FXR2: variants seen among roughly 807,000 people sequenced by gnomAD.
FXR2 encodes RNA-binding protein FXR2.
Under a neutral mutation model 87.3 loss-of-function variants are expected in FXR2, and 9 were observed. That is an observed-to-expected ratio of 0.10 (90% confidence interval 0.06 to 0.18). FXR2 has a LOEUF of 0.18. FXR2 is among the 10% of genes least tolerant of loss of function. The pLI, the probability that FXR2 is intolerant of heterozygous loss-of-function variation, is 1.00. For synonymous variants in FXR2, 331 were observed against 328.3 expected (o/e 1.01, Z -0.09); for missense variants, 661 against 893.6 (o/e 0.74, Z 3.32).
Position 7,592,981 on chromosome 17 carries a change from T to C in FXR2, c.1528+3A>G, listed in dbSNP as rs776742011. Reference sequence around the variant, plus strand: ...CATATTCATGAACCCAGCTGTCTGGTACCTGAGCTAATAGATGAAGAATTG... The same window carrying C: ...CATATTCATGAACCCAGCTGTCTGGCACCTGAGCTAATAGATGAAGAATTG... On this transcript the variant is annotated splice_donor_region_variant and intron_variant, in intron 13 of 16. Transcript: ENST00000250113. The surrounding 1 kb of genome is among the most constrained non-coding windows in gnomAD (Gnocchi z 4.8). The C allele has an allele frequency of 2.6e-6, 4 of 1,567,824 alleles. No homozygotes were observed.
chr17:7,603,373 C>T (rs946543048), intron 5 of FXR2, among the ~76,000 whole-genome samples: 1 of 150,976 alleles, frequency 6.6e-6, no homozygotes, highest in South Asian at 2.1e-4. Context: ...ACTAAAAATA[C>T]AAAATTAGCC....
chr17:7,606,372 A>G (rs1408363426), intron 1 of FXR2, among the ~76,000 whole-genome samples: 1 of 152,198 alleles, frequency 6.6e-6, no homozygotes. Flanking sequence ...TACCACCTGC[A>G]TCAGAACAGC....
At chr17:7,613,578 G>A (rs985946560) in intron 1 of FXR2, among the ~76,000 whole-genome samples, 8 of 152,332 alleles carry the variant, frequency 5.3e-5, no homozygotes, top group Admixed American at 5.2e-4. Flanking sequence ...CCCGAACTGG[G>A]ATAGTTGGCC....
In FXR2 at chr17:7,614,624, G is replaced by A. The variant is rs1452280817; in HGVS notation, c.-92C>T. ...AGGCCCCCGGCGTCTCCCCGGAGGAGGAGCCGGAGGGGGAGCCGCGGGGGG... is the reference window on the plus strand; with the variant it reads ...AGGCCCCCGGCGTCTCCCCGGAGGAAGAGCCGGAGGGGGAGCCGCGGGGGG... On this transcript the variant is annotated 5_prime_UTR_variant, in exon 1 of 17. Coordinates refer to ENST00000250113, the MANE Select transcript of FXR2 (RefSeq NM_004860.4). 3.0e-5 allele frequency: 22 copies of A among 721,526 alleles called. No homozygotes were observed. The highest frequency in any genetic ancestry group is 4.2e-5 in the Non-Finnish European group (22 of 523,150). The allele number at this position is 721,526 out of a possible 1,614,324, so 44.7% of individuals were successfully genotyped here.
At position 7,591,496 on chromosome 17, in the gene FXR2, A is replaced by T; in HGVS notation, c.*334T>A. 3.1e-6 allele frequency: 1 copy of T among 318,452 alleles called. No individual in the cohort carries two copies. Among genetic ancestry groups the T allele is most frequent in the Non-Finnish European group, 6.1e-6 (1 of 165,062 alleles). The allele number at this position is 318,452 out of a possible 1,614,324, so 19.7% of individuals were successfully genotyped here. On this transcript the variant is annotated 3_prime_UTR_variant, in exon 17 of 17. Coordinates refer to ENST00000250113, the MANE Select transcript of FXR2 (RefSeq NM_004860.4). This position sits in a 1 kb window ranked among gnomAD's most constrained non-coding sequence, Gnocchi z 4.0. ...CAGGGGAGGCCCCCTGAACGGTCAA[A>T]TCTGGGTGGGTCGAGGAGCACCCCC...
At chr17:7,608,643 AAAG>A (rs2071824691) in intron 1 of FXR2, among the ~76,000 whole-genome samples, 1 of 151,184 alleles carries the variant, frequency 6.6e-6, no homozygotes, top group Non-Finnish European at 1.5e-5. Context: ...GAAAAGAAGA[AAAG>A]AAAAGACAAG....
intron 1 of FXR2, among the ~76,000 whole-genome samples, chr17:7,608,152 C>T (rs1352725352): frequency 1.3e-5 from 2 of 151,490 alleles, no homozygotes; most frequent in Non-Finnish European, 2.9e-5. Context: ...GACAGGGTTT[C>T]GCTATGTTGC....
At position 7,604,824 on chromosome 17, in the gene FXR2, C is replaced by T. The variant is rs534125319; in HGVS notation, c.229-744G>A. On this transcript the variant is annotated intron_variant, in intron 3 of 16. Coordinates refer to ENST00000250113, the MANE Select transcript of FXR2 (RefSeq NM_004860.4). Reference sequence around the variant, plus strand: ...GCAACCTCCACTTCCTGGGTTCAAGCGATTCTCCTGCCTCAGCCTCCCAAG... The same window carrying T: ...GCAACCTCCACTTCCTGGGTTCAAGTGATTCTCCTGCCTCAGCCTCCCAAG... 7.8e-3 allele frequency among the ~76,000 whole-genome samples: 1,172 copies of T among 150,236 alleles called. 16 individuals are homozygous for T. The highest frequency in any genetic ancestry group is 0.027 in the African/African-American group (1,097 of 40,970).
chr17:7,595,236 G>A lies in FXR2; in HGVS notation c.832-479C>T, dbSNP rs2071698323. On this transcript the variant is annotated intron_variant, in intron 8 of 16. Coordinates refer to ENST00000250113, the MANE Select transcript of FXR2 (RefSeq NM_004860.4). The surrounding 1 kb of genome is among the most constrained non-coding windows in gnomAD (Gnocchi z 4.7). ...GGAGGCTAAGAAGGGAGGATTGCTT[G>A]AGGCTAGGAGTTAACAACCAGCTTG... Among the ~76,000 whole-genome samples, 1 of 152,052 alleles carries A rather than the reference G, an allele frequency of 6.6e-6. No individual in the cohort carries two copies. The highest frequency in any genetic ancestry group is 2.4e-5 in the African/African-American group (1 of 41,394).
In FXR2 at chr17:7,604,032, G is replaced by T; in HGVS notation, c.277C>A (p.Arg93=). The change falls in exon 4 of 17, where the codon CGG becomes AGG. Residue 93 remains arginine (R), a synonymous_variant. Coordinates refer to ENST00000250113, the MANE Select transcript of FXR2 (RefSeq NM_004860.4). ...EQEPCGWWLA[R]VRMMKGDFYV... ...ACATCTCCCTTCATCATCCGCACCC[G>T]GGCCAGCCACCAGCCACAAGGTTCC... 2 of 1,590,682 alleles carry T rather than the reference G, an allele frequency of 1.3e-6. No homozygotes were observed. The highest frequency in any genetic ancestry group is 2.3e-5 in the South Asian group (2 of 87,428).
Position 7,607,332 on chromosome 17 carries a change from A to G in FXR2, c.82-1183T>C, listed in dbSNP as rs544876037. On this transcript the variant is annotated intron_variant, in intron 1 of 16. Coordinates refer to ENST00000250113, the MANE Select transcript of FXR2 (RefSeq NM_004860.4). ...AAACTCCATCTCAAAAAAAAAAAAA[A>G]GAAAAAGAAAAAGAAATCTTTGCCT... Among the ~76,000 whole-genome samples the G allele has an allele frequency of 3.9e-4, 59 of 151,872 alleles. 1 individual carries two copies. The South Asian group carries it at 0.012, about 31-fold the overall frequency.
At chr17:7,602,724 C>T (rs993427234) in intron 6 of FXR2, 185 bp downstream of exon 6, 6 of 509,590 alleles carry the variant, frequency 1.2e-5, no homozygotes, top group South Asian at 2.4e-5. Flanking sequence ...AGTGAGACTT[C>T]GTCTCAAAAA....
intron 1 of FXR2, chr17:7,614,061 G>C (rs988547507): frequency 2.1e-5 from 10 of 474,780 alleles, no homozygotes; most frequent in Non-Finnish European, 3.7e-5. Context: ...GTGGAAGAAA[G>C]ACAATTCTCC....
chr17:7,613,960 G>A (rs1324813800), intron 1 of FXR2: 3 of 442,574 alleles, frequency 6.8e-6, no homozygotes, highest in African/African-American at 4.0e-5. Flanking sequence ...GATGAAAGTG[G>A]GGTGAGTGTT....
Position 7,593,873 on chromosome 17 carries a change from A to G in FXR2, c.1107+45T>C, listed in dbSNP as rs1387021928. 2.5e-6 allele frequency: 3 copies of G among 1,208,174 alleles called. No homozygotes were observed. Among genetic ancestry groups the G allele is most frequent in the Non-Finnish European group, 3.7e-6 (3 of 809,572 alleles). 74.8% of individuals were successfully genotyped at this position (1,208,174 alleles called of 1,614,324 possible). ...CTGAGCTGACCCCCACAGCAGTCTT[A>G]GTTCCCTTTTCACACCCAGCATTTT... On this transcript the variant is annotated intron_variant, in intron 11 of 16. Coordinates refer to ENST00000250113, the MANE Select transcript of FXR2 (RefSeq NM_004860.4). This position sits in a 1 kb window ranked among gnomAD's most constrained non-coding sequence, Gnocchi z 6.1.
intron 1 of FXR2, among the ~76,000 whole-genome samples, chr17:7,610,774 TTAGGGAGCCACC>T (rs1180670330): frequency 1.3e-5 from 2 of 152,130 alleles, no homozygotes; most frequent in African/African-American, 4.8e-5. Context: ...GTGGAATGTA[TTAGGGAGCCACC>T]TAGATCCAGA....
rs1463615727 is a variant in FXR2, at chr17:7,595,797, C to T, written c.831+27G>A. On this transcript the variant is annotated intron_variant, in intron 8 of 16. Transcript: ENST00000250113. The surrounding 1 kb of genome is among the most constrained non-coding windows in gnomAD (Gnocchi z 4.7). ...TCTCTTCCCTCTATCCCCTAAGAGA[C>T]CCAGAAGAAAGACATCCTTTGCTGA... The T allele has an allele frequency of 6.3e-7, 1 of 1,598,396 alleles. No homozygotes were observed. The highest frequency in any genetic ancestry group is 1.7e-5 in the Admixed American group (1 of 59,670).
rs368337337 is a variant in FXR2, at chr17:7,603,714, G to C, written c.449+43C>G. On this transcript the variant is annotated intron_variant, in intron 5 of 16. Coordinates refer to ENST00000250113, the MANE Select transcript of FXR2 (RefSeq NM_004860.4). ...TGGGAGAAATAAAGCCAGAGATTAG[G>C]GCTGTAAAGAGGGCCCTCATTCCCA... 4 of 1,595,400 alleles carry C rather than the reference G, an allele frequency of 2.5e-6. No individual in the cohort carries two copies. The African/African-American group carries it at 5.4e-5, about 21-fold the overall frequency.
intron 1 of FXR2, among the ~76,000 whole-genome samples, chr17:7,607,119 G>A (rs1449344572): frequency 1.3e-5 from 2 of 152,224 alleles, no homozygotes; most frequent in Admixed American, 6.5e-5. Context: ...AGGAGTTCGA[G>A]ACCAGCCTGC....
Sources: gnomAD v4.1 joint callset for allele counts (sites outside exome capture counted in the v4.1 genomes callset) on GRCh38, gnomAD v4.1.1 for gene constraint, Gnocchi (gnomAD v3.1) non-coding constraint, MANE v1.5 for transcripts, NCBI Gene and HGNC (gene_info 2026-07-23, HGNC 2026-07-21) for gene names.